HAO2: variants seen among roughly 807,000 people sequenced by gnomAD.
The protein encoded by HAO2 is hydroxyacid oxidase 2, also known as 2-Hydroxyacid oxidase 2.
In HAO2, 42 loss-of-function variants were observed where a neutral mutation model predicts 37.4. The ratio of observed to expected loss-of-function variants is 1.12; its 90% CI spans 0.88 to 1.45. HAO2 has a LOEUF of 1.45. Among genes scored for constraint, HAO2 ranks in the 40% most tolerant of loss-of-function variants. The probability of loss-of-function intolerance (pLI) is 0.00; values close to 1 mark genes in which losing one functional copy is unlikely to be tolerated. For synonymous variants in HAO2, 180 were observed against 162.8 expected (o/e 1.11, Z -0.81); for missense variants, 476 against 430.2 (o/e 1.11, Z -0.94).
chr1:119,375,451 T>A (rs1649376320), intron 1 of HAO2, among the ~76,000 whole-genome samples: 1 of 152,086 alleles, frequency 6.6e-6, no homozygotes, highest in African/African-American at 2.4e-5. Flanking sequence ...TATAATTGTA[T>A]TTTTCAACCT....
chr1:119,382,372 C>T (rs1384643601), intron 2 of HAO2, among the ~76,000 whole-genome samples: 2 of 152,084 alleles, frequency 1.3e-5, no homozygotes, highest in Non-Finnish European at 2.9e-5. Flanking sequence ...TTTGTAAATT[C>T]TCCTACCTTC....
chr1:119,381,444 T>G (rs946219010), intron 2 of HAO2, among the ~76,000 whole-genome samples: 6 of 152,180 alleles, frequency 3.9e-5, no homozygotes, highest in Non-Finnish European at 8.8e-5. Flanking sequence ...TGAGTCATTC[T>G]CCTTCATCTC....
chr1:119,370,018 G>A (rs1648850708), intron 1 of HAO2: 1 of 152,124 alleles, frequency 6.6e-6, no homozygotes, highest in Non-Finnish European at 1.5e-5. Context: ...CACAATATCA[G>A]CTGATCTCCA....
In HAO2 at chr1:119,386,652, C is replaced by G; in HGVS notation, c.592C>G (p.Pro198Ala). 7 of 1,611,690 alleles carry G rather than the reference C, an allele frequency of 4.3e-6. No homozygotes were observed. The highest frequency in any genetic ancestry group is 5.9e-6 in the Non-Finnish European group (7 of 1,177,868). ...TGCAATACCTTATTTCCAGATGACT[C>G]CTATCAGCACTTCTCTCTGCTGGAA... ...GNAIPYFQMT[P>A]ISTSLCWNDL... The change falls in exon 5 of 8, where the codon CCT becomes GCT. Residue 198 changes from proline (P) to alanine (A), a missense_variant. Pro to Ala is a conservative substitution (Grantham distance 27). Transcript: ENST00000325945.
intron 5 of HAO2, among the ~76,000 whole-genome samples, chr1:119,390,699 GACAGA>G (rs1191160999): frequency 6.6e-6 from 1 of 152,174 alleles, no homozygotes; most frequent in Non-Finnish European, 1.5e-5. Flanking sequence ...TTTTTAATAG[GACAGA>G]ACAGGACATT....
At chr1:119,378,910 G>A (rs1649693257) in intron 1 of HAO2, among the ~76,000 whole-genome samples, 2 of 152,222 alleles carry the variant, frequency 1.3e-5, no homozygotes, top group Non-Finnish European at 2.9e-5. Context: ...CAGCAACTCA[G>A]TGCCATGTAC....
At chr1:119,375,524 C>T (rs1649387248) in intron 1 of HAO2, among the ~76,000 whole-genome samples, 1 of 152,070 alleles carries the variant, frequency 6.6e-6, no homozygotes, top group East Asian at 1.9e-4. Flanking sequence ...GTGTTCTTTA[C>T]CTGAAATTGA....
chr1:119,373,796 A>T lies in HAO2; in HGVS notation c.-9+4894A>T, dbSNP rs186429153. ...CTTACAGGTTGAGAAGGGAATTTTC[A>T]TTAGTAGAAACAAAAAAAGGCTAAT... On this transcript the variant is annotated intron_variant, in intron 1 of 7. Transcript: ENST00000325945. Among the ~76,000 whole-genome samples the T allele has an allele frequency of 2.0e-5, 3 of 152,326 alleles. No homozygotes were observed. In the South Asian group the frequency reaches 6.2e-4, roughly 32 times the overall value.
intron 5 of HAO2, among the ~76,000 whole-genome samples, chr1:119,387,708 T>TG (rs2101253857): frequency 1.3e-5 from 2 of 152,352 alleles, no homozygotes; most frequent in East Asian, 3.9e-4. Flanking sequence ...TCAGTATATA[T>TG]GCTCCTCTTA....
At chr1:119,385,219 C>T (rs1437066247) in intron 4 of HAO2, 166 bp downstream of exon 4, 1 of 981,360 alleles carries the variant, frequency 1.0e-6, no homozygotes, top group African/African-American at 1.8e-5. Flanking sequence ...GGTTCCTGCT[C>T]CCTAGAGTTT....
At chr1:119,385,887 G>A (rs1340409208) in intron 4 of HAO2, 2 of 984,468 alleles carry the variant, frequency 2.0e-6, no homozygotes, top group Non-Finnish European at 2.4e-6. Flanking sequence ...TACATGGTGA[G>A]CCAAGAGTAA....
Position 119,394,030 on chromosome 1 carries a change from C to T in HAO2, c.*190C>T, listed in dbSNP as rs1651135382. On this transcript the variant is annotated 3_prime_UTR_variant, in exon 8 of 8. Coordinates refer to ENST00000325945, the MANE Select transcript of HAO2 (RefSeq NM_016527.4). ...AAACCCCTGTGTTCCCCAAATGTTCCATGCCCTTCTTTGTATCACTGACTA... is the reference window on the plus strand; with the variant it reads ...AAACCCCTGTGTTCCCCAAATGTTCTATGCCCTTCTTTGTATCACTGACTA... 7.1e-7 allele frequency: 1 copy of T among 1,406,816 alleles called. No individual in the cohort carries two copies. The highest frequency in any genetic ancestry group is 1.4e-5 in the African/African-American group (1 of 69,016). 87.1% of individuals were successfully genotyped at this position (1,406,816 alleles called of 1,614,324 possible).
intron 1 of HAO2, among the ~76,000 whole-genome samples, chr1:119,378,156 G>A (rs58135261): frequency 0.035 from 5,381 of 152,248 alleles, 296 homozygotes; most frequent in African/African-American, 0.12. Context: ...TGAAAATAGA[G>A]AATGTCTATC....
chr1:119,392,562 G>C, intron 6 of HAO2, 56 bp from the exon 7 acceptor site: 1 of 1,104,964 alleles, frequency 9.1e-7, no homozygotes, highest in Non-Finnish European at 1.4e-6. Context: ...ACTAGTGGAT[G>C]GTCAGAATGT....
chr1:119,382,829 A>C, intron 2 of HAO2, 86 bp from the exon 3 acceptor site: 1 of 1,277,144 alleles, frequency 7.8e-7, no homozygotes. Context: ...GACTTGTATC[A>C]GGAATCAGGG....
chr1:119,392,013 C>A, intron 5 of HAO2, 97 bp from the exon 6 acceptor site: 1 of 1,040,222 alleles, frequency 9.6e-7, no homozygotes, highest in East Asian at 2.4e-5. Context: ...TTGTCAAGGG[C>A]GTCTCCTCAG....
rs1254115224 is a variant in HAO2, at chr1:119,392,679, C to A, written c.992C>A (p.Ala331Asp). Residue 331 changes from alanine to aspartate, a missense_variant, in exon 7 of 8, where the codon GCC becomes GAC. By Grantham distance (126) the Ala-to-Asp change is moderately radical. Coordinates refer to ENST00000325945, the MANE Select transcript of HAO2 (RefSeq NM_016527.4). ...ILTNEFHTSM[A>D]LTGCRSVAEI... ...ACAAATGAGTTCCACACTTCCATGG[C>A]CCTTACAGGTAAGTTAACATGTTTT... is the stretch of plus-strand genomic sequence containing the variant. 2 of 1,590,526 alleles carry A rather than the reference C, an allele frequency of 1.3e-6. No homozygotes were observed. The highest frequency in any genetic ancestry group is 2.2e-5 in the South Asian group (2 of 90,566).
rs752482173 is a variant in HAO2, at chr1:119,384,806, C to A, written c.314C>A (p.Thr105Asn). 1.2e-6 allele frequency: 2 copies of A among 1,613,898 alleles called. No individual in the cohort carries two copies. The highest frequency in any genetic ancestry group is 3.3e-5 in the Admixed American group (2 of 60,018). Residue 105 changes from threonine (T) to asparagine (N), a missense_variant, in exon 4 of 8, where the codon ACC becomes AAC. Transcript: ENST00000325945. ...CAAGCGGCTGGTATCTGCTACATCA[C>A]CAGCACATTTGCCAGCTGTAGCCTT... Reference protein sequence around the residue: ...AAQAAGICYITSTFASCSLED... With the variant: ...AAQAAGICYINSTFASCSLED...
intron 1 of HAO2, among the ~76,000 whole-genome samples, chr1:119,378,777 T>C (rs1649682665): frequency 6.6e-6 from 1 of 152,104 alleles, no homozygotes; most frequent in African/African-American, 2.4e-5. Flanking sequence ...GAGTGTGTAA[T>C]GTATAGGATA....
Sources: allele counts gnomAD v4.1 joint callset (sites outside exome capture counted in the v4.1 genomes callset), GRCh38; gene constraint gnomAD v4.1.1; transcripts MANE v1.5; gene names NCBI Gene and HGNC (gene_info 2026-07-23, HGNC 2026-07-21).